The following NLRP9 variants were observed in gnomAD, a reference collection of about 807,000 sequenced individuals.
NLRP9 encodes the protein NLR family pyrin domain containing 9.
Under a neutral mutation model 83.1 loss-of-function variants are expected in NLRP9, and 88 were observed. That is an observed-to-expected ratio of 1.06 (90% CI 0.89 to 1.26). The LOEUF is 1.26. Ranked by LOEUF, NLRP9 falls within the 50% of genes most tolerant of loss-of-function variation. The pLI is 0.00. For missense variants in NLRP9, 1,308 were observed against 1,179.3 expected (o/e 1.11, Z -1.60); for synonymous variants, 521 against 447.6 (o/e 1.16, Z -2.07).
In NLRP9 at chr19:55,719,702, A is replaced by T. The variant is rs192499310; in HGVS notation, c.2160-2804T>A. Among the ~76,000 whole-genome samples, 266 of 152,342 alleles carry T rather than the reference A, an allele frequency of 1.7e-3. 2 individuals are homozygous for T. The highest frequency in any genetic ancestry group is 3.4e-3 in the Middle Eastern group (1 of 294). On this transcript the variant is annotated intron_variant, in intron 4 of 8. Transcript: ENST00000332836. Reference sequence around the variant, plus strand: ...ATCTCTCCTGTCAGACCAAGAGGAAATGGGAGAGAAGATGTAGCAGAAGCC... The same window carrying T: ...ATCTCTCCTGTCAGACCAAGAGGAATTGGGAGAGAAGATGTAGCAGAAGCC...
chr19:55,709,075 T>TG (rs1491307791), intron 8 of NLRP9, 31 bp from the exon 9 acceptor site: 4 of 1,537,646 alleles, frequency 2.6e-6, no homozygotes, highest in East Asian at 4.7e-5. Flanking sequence ...TTTTTTTTTT[T>TG]GTTTTTCATT....
In NLRP9 at chr19:55,728,815, A is replaced by C. The variant is rs141676684; in HGVS notation, c.1994+1016T>G. Among the ~76,000 whole-genome samples, 7 of 152,286 alleles carry C rather than the reference A, an allele frequency of 4.6e-5. No homozygotes were observed. The East Asian group carries it at 9.6e-4, about 21-fold the overall frequency. On this transcript the variant is annotated intron_variant, in intron 3 of 8. Transcript: ENST00000332836. Reference sequence around the variant, plus strand: ...GACTTTTCAAGCTGAAGGAAGACTTAAATTTAACCTGAAAGCAGTAAGTTT... The same window carrying C: ...GACTTTTCAAGCTGAAGGAAGACTTCAATTTAACCTGAAAGCAGTAAGTTT...
intron 4 of NLRP9, among the ~76,000 whole-genome samples, chr19:55,722,353 TTAGAG>T (rs1469441408): frequency 1.3e-5 from 2 of 151,914 alleles, no homozygotes; most frequent in African/African-American, 2.4e-5. Flanking sequence ...GAAGAGAAAG[TTAGAG>T]TAGAAGTTAA....
At chr19:55,709,135 CTT>C (rs1987592123) in intron 8 of NLRP9, 91 bp from the exon 9 acceptor site, 1 of 848,698 alleles carries the variant, frequency 1.2e-6, no homozygotes, top group African/African-American at 1.8e-5. Flanking sequence ...CTCCTCTCCT[CTT>C]TATTCTTTCC....
chr19:55,724,792 C>G (rs1315371955), intron 3 of NLRP9, among the ~76,000 whole-genome samples: 3 of 152,086 alleles, frequency 2.0e-5, no homozygotes, highest in Non-Finnish European at 4.4e-5. Flanking sequence ...TAAGGCCAGG[C>G]ATGGTGACTC....
In NLRP9 at chr19:55,708,947, C is replaced by T; in HGVS notation, c.2941G>A (p.Asp981Asn). The T allele has an allele frequency of 1.3e-6, 2 of 1,571,688 alleles. No individual in the cohort carries two copies. Among genetic ancestry groups the T allele is most frequent in the African/African-American group, 1.4e-5 (1 of 72,148 alleles). The change falls in exon 9 of 9, where the codon GAC becomes AAC. Residue 981 changes from aspartate (D) to asparagine (N), a missense_variant. Transcript: ENST00000332836. Reference sequence around the variant, plus strand: ...ACACCCCTGATCTTGTATTCCTCGTCAATCCAAGGTCCATGTGAAATGGTC... The same window carrying T: ...ACACCCCTGATCTTGTATTCCTCGTTAATCCAAGGTCCATGTGAAATGGTC... ...HLTISHGPWIDEEYKIRGVLL is the reference protein window; with the variant it reads ...HLTISHGPWINEEYKIRGVLL
Position 55,709,048 on chromosome 19 carries a change from G to T in NLRP9, c.2844-4C>A. ...ATCAAAGCCAGATTTGTGCAGCCTG[G>T]GAAAATAGAAATAAAGTTTTTTTTT... On this transcript the variant is annotated splice_region_variant and splice_polypyrimidine_tract_variant and intron_variant, in intron 8 of 8. Transcript: ENST00000332836. The T allele has an allele frequency of 6.4e-7, 1 of 1,555,012 alleles. No homozygotes were observed. The highest frequency in any genetic ancestry group is 2.4e-5 in the East Asian group (1 of 42,026).
At chr19:55,717,250 C>A (rs1295684427) in intron 4 of NLRP9, among the ~76,000 whole-genome samples, 1 of 152,092 alleles carries the variant, frequency 6.6e-6, no homozygotes, top group Non-Finnish European at 1.5e-5. Context: ...CCAGGCTGGT[C>A]TCGAACTCCT....
At chr19:55,735,658 T>G (rs1033256681) in intron 1 of NLRP9, among the ~76,000 whole-genome samples, 1 of 152,172 alleles carries the variant, frequency 6.6e-6, no homozygotes, top group African/African-American at 2.4e-5. Flanking sequence ...CATGCACATT[T>G]TTCATCACAA....
intron 3 of NLRP9, among the ~76,000 whole-genome samples, chr19:55,724,612 G>C (rs1400915163): frequency 2.0e-5 from 3 of 151,350 alleles, no homozygotes; most frequent in Non-Finnish European, 4.4e-5. Flanking sequence ...TAATAAAAGA[G>C]ACAATGTTAT....
Position 55,715,224 on chromosome 19 carries a change from A to G in NLRP9, c.2332T>C (p.Leu778=). Residue 778 remains leucine (L), a splice_region_variant and synonymous_variant, in exon 6 of 9, where the codon TTG becomes CTG. Transcript: ENST00000332836. ...ACAGAGGTGAGACAGCAGTACATCA[A>G]CCTGCAAAGAAACACACCGTCTCCC... ...HSHCALERLM[L]MYCCLTSVSC... 2 of 1,612,562 alleles carry G rather than the reference A, an allele frequency of 1.2e-6. No homozygotes were observed. Among genetic ancestry groups the G allele is most frequent in the Non-Finnish European group, 1.7e-6 (2 of 1,179,432 alleles).
rs1223612478 is a variant in NLRP9, at chr19:55,716,757, C to T, written c.2301G>A (p.Lys767=). 1.9e-6 allele frequency: 3 copies of T among 1,613,800 alleles called. No individual in the cohort carries two copies. Among genetic ancestry groups the T allele is most frequent in the Admixed American group, 3.3e-5 (2 of 59,984 alleles). ...GCCTCTCCAGGGCACAGTGTGAGTG[C>T]TTCAGGGCTTCACACAGCAACGTCA... ...EGMTLLCEAL[K]HSHCALERLM... is the part of the protein sequence containing the mutation. The change falls in exon 5 of 9, where the codon AAG becomes AAA. Residue 767 remains lysine, a synonymous_variant. Transcript: ENST00000332836.
At chr19:55,720,467 C>T (rs79550099) in intron 4 of NLRP9, among the ~76,000 whole-genome samples, 30,996 of 152,056 alleles carry the variant, frequency 0.2, 4,034 homozygotes, top group South Asian at 0.39. Context: ...GCCGTGACTA[C>T]AGGCATCCAC....
intron 4 of NLRP9, among the ~76,000 whole-genome samples, chr19:55,717,531 G>A (rs1383332770): frequency 1.3e-5 from 2 of 152,144 alleles, no homozygotes; most frequent in Middle Eastern, 3.2e-3. Context: ...GCTGCTCAAC[G>A]TCCTTTAGTG....
intron 4 of NLRP9, among the ~76,000 whole-genome samples, chr19:55,720,000 C>T (rs570149391): frequency 6.6e-6 from 1 of 151,954 alleles, no homozygotes; most frequent in East Asian, 1.9e-4. Context: ...TGTAAAAGAA[C>T]AAAAGAAAGA....
At chr19:55,734,604 TAC>T (rs35062004) in intron 1 of NLRP9, among the ~76,000 whole-genome samples, 11,920 of 132,172 alleles carry the variant, frequency 0.09, 672 homozygotes, top group African/African-American at 0.17. Context: ...TACATACACA[TAC>T]ACACACACAC....
intron 3 of NLRP9, among the ~76,000 whole-genome samples, chr19:55,729,479 T>C (rs919622894): frequency 6.6e-5 from 10 of 152,106 alleles, no homozygotes; most frequent in African/African-American, 2.4e-4. Flanking sequence ...AGTGAGAACA[T>C]GCGTTGTTTG....
chr19:55,736,442 C>A (rs1176506642), intron 1 of NLRP9, among the ~76,000 whole-genome samples: 1 of 151,818 alleles, frequency 6.6e-6, no homozygotes, highest in Non-Finnish European at 1.5e-5. Context: ...ACATTTAGGA[C>A]CTCAGTGTCC....
intron 4 of NLRP9, among the ~76,000 whole-genome samples, chr19:55,721,357 G>T (rs983194602): frequency 5.3e-5 from 8 of 152,096 alleles, no homozygotes; most frequent in Non-Finnish European, 1.2e-4. Flanking sequence ...TTGTCATAAG[G>T]GTTTCCAGAT....
Sources: gnomAD v4.1 joint callset for allele counts (sites outside exome capture counted in the v4.1 genomes callset) on GRCh38, gnomAD v4.1.1 for gene constraint, MANE v1.5 for transcripts, NCBI Gene and HGNC (gene_info 2026-07-23, HGNC 2026-07-21) for gene names.